The following QTGAL variants were observed in gnomAD, a reference collection of about 807,000 sequenced individuals.
QTGAL encodes the protein queuosine-tRNA galactosyltransferase.
At chr17:83,017,603 CAG>C in the QTGAL span, among the ~76,000 whole-genome samples, 2 of 152,162 alleles carry the variant, frequency 1.3e-5, no homozygotes, top group South Asian at 2.1e-4. Flanking sequence ...GCCTGGGCGA[CAG>C]AGAGAGACTC....
chr17:82,966,005 C>G, the QTGAL span, among the ~76,000 whole-genome samples: 2 of 150,974 alleles, frequency 1.3e-5, no homozygotes, highest in Non-Finnish European at 2.9e-5. Context: ...GCCTTGACCT[C>G]CTCAAGCAAT....
chr17:82,983,531 C>A, the QTGAL span, among the ~76,000 whole-genome samples: 1 of 152,176 alleles, frequency 6.6e-6, no homozygotes, highest in Non-Finnish European at 1.5e-5. Context: ...ACCATGAGAT[C>A]AGAAACTACG....
At chr17:82,984,371 G>T in the QTGAL span, among the ~76,000 whole-genome samples, 1 of 22,652 alleles carries the variant, frequency 4.4e-5, no homozygotes, top group Admixed American at 4.2e-4. Context: ...GCAGGGAGAG[G>T]CCACGTGATT....
At chr17:82,955,332 C>A in the QTGAL span, among the ~76,000 whole-genome samples, 8 of 152,134 alleles carry the variant, frequency 5.3e-5, no homozygotes, top group African/African-American at 1.9e-4. Context: ...CAAAAGAAGA[C>A]ATGTGGCCAA....
the QTGAL span, among the ~76,000 whole-genome samples, chr17:82,967,019 C>T: frequency 6.6e-6 from 1 of 152,196 alleles, no homozygotes; most frequent in Non-Finnish European, 1.5e-5. Context: ...GGGCTGAAAA[C>T]ACTTCCTCAG....
the QTGAL span, among the ~76,000 whole-genome samples, chr17:83,024,855 C>T: frequency 6.6e-6 from 1 of 152,240 alleles, no homozygotes; most frequent in East Asian, 1.9e-4. Flanking sequence ...CTCAGGGGTG[C>T]AAAGCGCTCC....
At chr17:82,957,286 C>T in the QTGAL span, 9,461 of 1,614,040 alleles carry the variant, frequency 5.9e-3, 439 homozygotes, top group African/African-American at 0.11. Flanking sequence ...CTGGACAGGC[C>T]GGGGCCAGGG....
chr17:82,959,176 T>C, the QTGAL span, among the ~76,000 whole-genome samples: 1 of 151,870 alleles, frequency 6.6e-6, no homozygotes, highest in Non-Finnish European at 1.5e-5. Flanking sequence ...CATGTGTACA[T>C]GAGCACGTGT....
At chr17:83,011,494 G>A in the QTGAL span, 40,926 of 152,106 alleles carry the variant, frequency 0.27, 5,616 homozygotes, top group Non-Finnish European at 0.29. Context: ...ACGTAACCAC[G>A]AACCAGCAAC....
chr17:82,956,576 C>T, the QTGAL span: 2 of 1,173,476 alleles, frequency 1.7e-6, no homozygotes, highest in Non-Finnish European at 2.3e-6. The surrounding 1 kb of genome is among the most constrained non-coding windows in gnomAD (Gnocchi z 5.7). Context: ...TGTCCCCATG[C>T]CCACCATCGG....
the QTGAL span, among the ~76,000 whole-genome samples, chr17:82,992,782 TAAATAG>T: frequency 6.6e-6 from 1 of 152,210 alleles, no homozygotes; most frequent in South Asian, 2.1e-4. Context: ...CAATAAGATA[TAAATAG>T]AAACAACAAA....
At chr17:83,017,894 C>T in the QTGAL span, among the ~76,000 whole-genome samples, 3 of 151,210 alleles carry the variant, frequency 2.0e-5, no homozygotes, top group Admixed American at 1.3e-4. Flanking sequence ...CACGACGTGC[C>T]TGCATCAGGT....
the QTGAL span, chr17:83,035,182 C>CT: frequency 0.065 from 59,196 of 914,236 alleles, 1 homozygote; most frequent in South Asian, 0.097. Flanking sequence ...ATATGATATT[C>CT]TTTTTTTTTT....
the QTGAL span, among the ~76,000 whole-genome samples, chr17:83,044,357 C>T: frequency 6.6e-6 from 1 of 152,176 alleles, no homozygotes; most frequent in African/African-American, 2.4e-5. Flanking sequence ...ACGTAACATA[C>T]CATCTTAACA....
chr17:83,014,967 C>T, the QTGAL span, among the ~76,000 whole-genome samples: 13 of 152,290 alleles, frequency 8.5e-5, no homozygotes, highest in African/African-American at 3.1e-4. Context: ...CCATGCACTG[C>T]TGGCTGCGAT....
chr17:83,002,854 T>C, the QTGAL span, among the ~76,000 whole-genome samples: 7,176 of 81,642 alleles, frequency 0.088, 231 homozygotes, highest in East Asian at 0.15. Flanking sequence ...TCCCACTCTC[T>C]GCAGTCCGCG....
the QTGAL span, among the ~76,000 whole-genome samples, chr17:82,955,084 A>G: frequency 6.6e-6 from 1 of 152,226 alleles, no homozygotes; most frequent in Non-Finnish European, 1.5e-5. Context: ...CATGACTAAA[A>G]CACCAAAAGC....
the QTGAL span, among the ~76,000 whole-genome samples, chr17:82,964,527 C>T: frequency 5.3e-5 from 8 of 151,236 alleles, no homozygotes; most frequent in Non-Finnish European, 1.2e-4. Flanking sequence ...GATGGGGACA[C>T]GGACGCCTGC....
the QTGAL span, among the ~76,000 whole-genome samples, chr17:83,021,906 C>T: frequency 3.0e-4 from 46 of 152,218 alleles, no homozygotes; most frequent in Admixed American, 7.8e-4. Context: ...AATAGATCCA[C>T]GCTTTTTTGG....
Sources: allele counts gnomAD v4.1 joint callset (sites outside exome capture counted in the v4.1 genomes callset), GRCh38; gene constraint gnomAD v4.1.1; non-coding constraint Gnocchi (gnomAD v3.1); transcripts MANE v1.5; gene names NCBI Gene and HGNC (gene_info 2026-07-23, HGNC 2026-07-21).